PSME4: variants seen among roughly 807,000 people sequenced by gnomAD.
PSME4 encodes the protein proteasome activator subunit 4.
In PSME4, 89 loss-of-function variants were observed where a neutral mutation model predicts 253.9. The ratio of observed to expected loss-of-function variants is 0.35; its 90% CI spans 0.30 to 0.42. The LOEUF is 0.42. Among genes scored for constraint, PSME4 ranks in the 10% least tolerant of loss-of-function variants. The pLI is 1.00. For missense variants in PSME4, 2,014 were observed against 2,195.2 expected, an observed-to-expected ratio of 0.92 and a Z score of 1.65; for synonymous variants, 851 against 759.2, an observed-to-expected ratio of 1.12 and a Z score of -1.99.
intron 43 of PSME4, chr2:53,870,246 C>A (rs28396307): frequency 6.6e-6 from 1 of 152,008 alleles, no homozygotes; most frequent in Non-Finnish European, 1.5e-5. Flanking sequence ...ATTTTATCAT[C>A]GTCTGTCGAG....
At chr2:53,967,756 CAGAT>C (rs1670814152) in intron 1 of PSME4, among the ~76,000 whole-genome samples, 1 of 150,790 alleles carries the variant, frequency 6.6e-6, no homozygotes, top group South Asian at 2.1e-4. Flanking sequence ...CTCTGATGTC[CAGAT>C]TACGGGTGCA....
chr2:53,963,325 T>C (rs1482104299), intron 1 of PSME4, among the ~76,000 whole-genome samples: 1 of 151,460 alleles, frequency 6.6e-6, no homozygotes, highest in Admixed American at 6.6e-5. Flanking sequence ...ACCAAGACCA[T>C]CTCTTCAAAA....
intron 20 of PSME4, among the ~76,000 whole-genome samples, chr2:53,912,654 C>G (rs747584383): frequency 1.0e-3 from 158 of 152,108 alleles, no homozygotes; most frequent in Non-Finnish European, 2.0e-3. Flanking sequence ...TTGGTAGAGA[C>G]AGGGTCTCGC....
At chr2:53,877,917 T>C (rs1049468698) in intron 41 of PSME4, among the ~76,000 whole-genome samples, 1 of 152,252 alleles carries the variant, frequency 6.6e-6, no homozygotes, top group African/African-American at 2.4e-5. Flanking sequence ...AAAAATTATT[T>C]CTTTTTGCAA....
At chr2:53,932,855 G>A (rs1476271082) in intron 8 of PSME4, 95 bp from the exon 9 acceptor site, 2 of 855,766 alleles carry the variant, frequency 2.3e-6, no homozygotes, top group African/African-American at 3.4e-5. Flanking sequence ...CACTAATACA[G>A]TTTATAGTCA....
rs772416842 is a variant in PSME4 at position 53,932,698 on chromosome 2, A to G, written c.1020T>C (p.Phe340=). 9 of 1,613,922 alleles carry G rather than the reference A, an allele frequency of 5.6e-6. No homozygotes were observed. The highest frequency in any genetic ancestry group is 5.9e-6 in the Non-Finnish European group (7 of 1,179,776). The change falls in exon 9 of 47, where the codon TTT becomes TTC. Residue 340 remains phenylalanine (F), a synonymous_variant. Coordinates refer to ENST00000404125, the MANE Select transcript of PSME4 (RefSeq NM_014614.3). ...LAGLFNSITS[F]YHPSNNGRWL... is the part of the protein sequence containing the mutation. ...AGCGCCCATTATTTGAAGGATGGTA[A>G]AAAGATGTGATGCTGTTAAACAAAC...
chr2:53,907,520 A>G (rs1680715377), intron 24 of PSME4, among the ~76,000 whole-genome samples: 1 of 152,170 alleles, frequency 6.6e-6, no homozygotes, highest in African/African-American at 2.4e-5. Flanking sequence ...TGCTTACAGT[A>G]TCAATCTCTT....
At chr2:53,919,366 ATGTCTTC>A in intron 19 of PSME4, 120 bp from the exon 20 acceptor site, 1 of 1,306,302 alleles carries the variant, frequency 7.7e-7, no homozygotes, top group Non-Finnish European at 1.0e-6. Context: ...GAAATAGCAA[ATGTCTTC>A]AGTTTACCAA....
At chr2:53,887,048 G>C (rs1679671712) in intron 40 of PSME4, among the ~76,000 whole-genome samples, 2 of 152,164 alleles carry the variant, frequency 1.3e-5, no homozygotes, top group Admixed American at 1.3e-4. Context: ...AGTTTCGTAT[G>C]ATGAAGAGGA....
intron 19 of PSME4, among the ~76,000 whole-genome samples, chr2:53,919,898 C>T (rs1668220492): frequency 6.6e-6 from 1 of 151,348 alleles, no homozygotes; most frequent in African/African-American, 2.4e-5. Flanking sequence ...GGAAAACAGG[C>T]ATTCCTTTCA....
At chr2:53,923,767 G>A (rs2104453604) in intron 14 of PSME4, among the ~76,000 whole-genome samples, 1 of 152,008 alleles carries the variant, frequency 6.6e-6, no homozygotes, top group South Asian at 2.1e-4. Flanking sequence ...CACTAAAAAT[G>A]CAAAAATTGA....
At chr2:53,891,020 C>G (rs1679881888) in intron 36 of PSME4, among the ~76,000 whole-genome samples, 1 of 150,994 alleles carries the variant, frequency 6.6e-6, no homozygotes, top group Admixed American at 6.7e-5. Flanking sequence ...GAGCAAGACT[C>G]CGTCTAAAAA....
intron 3 of PSME4, among the ~76,000 whole-genome samples, chr2:53,940,617 T>C (rs1417057849): frequency 2.0e-5 from 3 of 151,844 alleles, no homozygotes; most frequent in African/African-American, 7.3e-5. Flanking sequence ...GTGTATGAAT[T>C]TATAATCCAC....
intron 20 of PSME4, among the ~76,000 whole-genome samples, chr2:53,916,583 C>T (rs909893282): frequency 1.6e-4 from 25 of 152,122 alleles, no homozygotes; most frequent in Admixed American, 5.2e-4. Flanking sequence ...GAATTCGTAT[C>T]ACAGAACAAT....
At chr2:53,930,850 C>T (rs1668796971) in intron 10 of PSME4, among the ~76,000 whole-genome samples, 1 of 152,196 alleles carries the variant, frequency 6.6e-6, no homozygotes, top group Non-Finnish European at 1.5e-5. Flanking sequence ...GTTCTAAAAA[C>T]TAACATTCCT....
Position 53,937,382 on chromosome 2 carries a change from C to T in PSME4, c.695+9G>A, listed in dbSNP as rs77435625. The stretch of plus-strand genomic sequence containing the variant: ...TTTTTAGAATTTGTCAAGATATGAA[C>T]ATACTTACTTAAAACCTTTATGATG... On this transcript the variant is annotated intron_variant, in intron 5 of 46. Coordinates refer to ENST00000404125, the MANE Select transcript of PSME4 (RefSeq NM_014614.3). 1,577 of 1,567,078 alleles carry T rather than the reference C, an allele frequency of 1.0e-3. 14 individuals carry two copies. The African/African-American group carries it at 0.019, about 19-fold the overall frequency.
chr2:53,968,967 G>A (rs1012233085), intron 1 of PSME4, among the ~76,000 whole-genome samples: 1 of 151,988 alleles, frequency 6.6e-6, no homozygotes, highest in African/African-American at 2.4e-5. Context: ...TTTATATAAT[G>A]TACACTAAAA....
rs1378259235 is a variant in PSME4 at position 53,895,578 on chromosome 2, C to G, written c.3842+5G>C. The G allele has an allele frequency of 6.2e-7, 1 of 1,604,092 alleles. No homozygotes were observed. Among genetic ancestry groups the G allele is most frequent in the Non-Finnish European group, 8.5e-7 (1 of 1,176,520 alleles). The stretch of plus-strand genomic sequence containing the variant: ...TAATGATAAGGTGCACAGTAAGTTA[C>G]TTACTTTGGCCAGGTGTAGTATCCC... On this transcript the variant is annotated splice_donor_5th_base_variant and intron_variant, in intron 33 of 46. Transcript: ENST00000404125.
In PSME4 at chr2:53,932,838, C is replaced by G. The variant is rs530876135; in HGVS notation, c.958-78G>C. Reference sequence around the variant, plus strand: ...AGAGGTCAACAGGCCCAAGCCTATACGTAAATCACTAATACAGTTTATAGT... The same window carrying G: ...AGAGGTCAACAGGCCCAAGCCTATAGGTAAATCACTAATACAGTTTATAGT... On this transcript the variant is annotated intron_variant, in intron 8 of 46. Coordinates refer to ENST00000404125, the MANE Select transcript of PSME4 (RefSeq NM_014614.3). The G allele has an allele frequency of 4.8e-5, 51 of 1,071,538 alleles. 2 individuals are homozygous for G. The Admixed American group carries it at 8.2e-4, about 17-fold the overall frequency. 66.4% of individuals were successfully genotyped at this position (1,071,538 alleles called of 1,614,324 possible).
Sources: gnomAD v4.1 joint callset for allele counts (sites outside exome capture counted in the v4.1 genomes callset) on GRCh38, gnomAD v4.1.1 for gene constraint, MANE v1.5 for transcripts, NCBI Gene and HGNC (gene_info 2026-07-23, HGNC 2026-07-21) for gene names.